CSMD1: variants seen among roughly 807,000 people sequenced by gnomAD.
CSMD1 encodes CUB and sushi domain-containing protein 1.
In CSMD1, 213 loss-of-function variants were observed where a neutral mutation model predicts 417.5. The observed-to-expected ratio is 0.51, with a 90% confidence interval of 0.46 to 0.57. CSMD1 has a LOEUF of 0.57. Ranked by LOEUF, CSMD1 falls within the 20% of genes least tolerant of loss-of-function variation. The pLI is 0.00. For missense variants in CSMD1, 6,923 were observed against 4,529.7 expected, an observed-to-expected ratio of 1.53 and a Z score of -15.17; for synonymous variants, 2,862 against 1,736.8, an observed-to-expected ratio of 1.65 and a Z score of -16.11.
chr8:4,020,231 G>T (rs1438609710), intron 4 of CSMD1, among the ~76,000 whole-genome samples: 1 of 152,164 alleles, frequency 6.6e-6, no homozygotes, highest in East Asian at 1.9e-4. Flanking sequence ...TAAATAAATT[G>T]ACCAAAGACA....
intron 1 of CSMD1, among the ~76,000 whole-genome samples, chr8:4,680,153 G>C (rs1226869781): frequency 6.6e-6 from 1 of 152,190 alleles, no homozygotes; most frequent in Non-Finnish European, 1.5e-5. Context: ...ATACACAGCA[G>C]TGTATGTAGA....
chr8:4,748,152 C>T (rs1179105808), intron 1 of CSMD1, among the ~76,000 whole-genome samples: 1 of 152,102 alleles, frequency 6.6e-6, no homozygotes, highest in South Asian at 2.1e-4. Context: ...CAGAGAAAAC[C>T]CACAACATGT....
In CSMD1 at chr8:4,759,740, G is replaced by T. The variant is rs189234153; in HGVS notation, c.86-122182C>A. On this transcript the variant is annotated intron_variant, in intron 1 of 69. Coordinates refer to ENST00000635120, the MANE Select transcript of CSMD1 (RefSeq NM_033225.6). Reference sequence around the variant, plus strand: ...CTATCCATGTTCCTGAAAAAGACAAGATCTCATTCATTTTTATGGCTGCAT... The same window carrying T: ...CTATCCATGTTCCTGAAAAAGACAATATCTCATTCATTTTTATGGCTGCAT... Among the ~76,000 whole-genome samples the T allele has an allele frequency of 2.6e-5, 4 of 152,240 alleles. No homozygotes were observed. The East Asian group carries it at 7.7e-4, about 29-fold the overall frequency.
intron 3 of CSMD1, among the ~76,000 whole-genome samples, chr8:4,330,881 C>T (rs1563062886): frequency 6.6e-6 from 1 of 152,080 alleles, no homozygotes; most frequent in East Asian, 1.9e-4. Flanking sequence ...ATGTCAGTTT[C>T]TCTCAGAAAG....
At chr8:4,598,415 A>G (rs1242641870) in intron 2 of CSMD1, among the ~76,000 whole-genome samples, 2 of 152,194 alleles carry the variant, frequency 1.3e-5, no homozygotes, top group Non-Finnish European at 2.9e-5. Flanking sequence ...ATATAAGGTC[A>G]TGGAAATCAC....
At chr8:4,745,271 G>T (rs559307805) in intron 1 of CSMD1, among the ~76,000 whole-genome samples, 1 of 152,004 alleles carries the variant, frequency 6.6e-6, no homozygotes, top group Non-Finnish European at 1.5e-5. Context: ...TTTTCCTCTG[G>T]CAGAAAATTA....
intron 12 of CSMD1, among the ~76,000 whole-genome samples, chr8:3,415,786 A>G (rs1265904791): frequency 6.6e-6 from 1 of 152,238 alleles, no homozygotes; most frequent in Non-Finnish European, 1.5e-5. Flanking sequence ...GATCTGGAAA[A>G]ATGGAAAAGT....
chr8:3,770,992 C>T (rs1048125304), intron 5 of CSMD1, among the ~76,000 whole-genome samples: 6 of 132,666 alleles, frequency 4.5e-5, no homozygotes, highest in South Asian at 2.4e-4. Flanking sequence ...TGGACAGTTT[C>T]TCTCTCTCTC....
chr8:4,432,519 G>A (rs565845729), intron 2 of CSMD1, among the ~76,000 whole-genome samples: 3 of 152,160 alleles, frequency 2.0e-5, no homozygotes, highest in Non-Finnish European at 4.4e-5. Context: ...AATGCTCGGA[G>A]TGTGAAAACA....
At chr8:4,433,881 T>G (rs182586991) in intron 2 of CSMD1, among the ~76,000 whole-genome samples, 187 of 152,214 alleles carry the variant, frequency 1.2e-3, no homozygotes, top group Middle Eastern at 0.01. Context: ...CAGCCCCATT[T>G]CTTTGACAAT....
intron 3 of CSMD1, among the ~76,000 whole-genome samples, chr8:4,100,191 G>A (rs903116064): frequency 6.6e-6 from 1 of 152,156 alleles, no homozygotes; most frequent in East Asian, 1.9e-4. Context: ...CTACCTTGGG[G>A]AAGGGTGAGG....
intron 2 of CSMD1, among the ~76,000 whole-genome samples, chr8:4,569,038 T>C (rs536571741): frequency 2.0e-5 from 3 of 152,298 alleles, no homozygotes; most frequent in Non-Finnish European, 4.4e-5. Context: ...GATGGATAGA[T>C]TGACAAAATT....
chr8:4,335,892 G>T (rs1321404977), intron 3 of CSMD1, among the ~76,000 whole-genome samples: 1 of 151,984 alleles, frequency 6.6e-6, no homozygotes, highest in Non-Finnish European at 1.5e-5. Context: ...GAACCTCCAG[G>T]GCTTCCTGCA....
chr8:4,880,604 C>T (rs1803328685), intron 1 of CSMD1, among the ~76,000 whole-genome samples: 1 of 151,954 alleles, frequency 6.6e-6, no homozygotes, highest in African/African-American at 2.4e-5. Context: ...GCCCACATTG[C>T]CTCTATTGGA....
At chr8:3,008,946 C>T (rs147953468) in intron 52 of CSMD1, among the ~76,000 whole-genome samples, 4 of 152,230 alleles carry the variant, frequency 2.6e-5, no homozygotes, top group Admixed American at 6.5e-5. Context: ...TGAGAGTCTC[C>T]GACAAGTACC....
intron 10 of CSMD1, among the ~76,000 whole-genome samples, chr8:3,517,142 G>C (rs1031389276): frequency 6.6e-6 from 1 of 152,174 alleles, no homozygotes; most frequent in Admixed American, 6.5e-5. Flanking sequence ...CCCTCCTGCA[G>C]TGTGCTCCTC....
intron 5 of CSMD1, among the ~76,000 whole-genome samples, chr8:3,937,483 G>A (rs553282795): frequency 6.6e-6 from 1 of 152,158 alleles, no homozygotes; most frequent in East Asian, 1.9e-4. Context: ...CCTTCCACCA[G>A]CAAAAAGATG....
chr8:3,799,613 G>C (rs1220288720), intron 5 of CSMD1, among the ~76,000 whole-genome samples: 1 of 151,710 alleles, frequency 6.6e-6, no homozygotes, highest in East Asian at 1.9e-4. Context: ...AGTAAAGAAA[G>C]ACCCCATTTG....
intron 3 of CSMD1, among the ~76,000 whole-genome samples, chr8:4,032,330 T>C (rs2130578946): frequency 6.6e-6 from 1 of 152,326 alleles, no homozygotes; most frequent in South Asian, 2.1e-4. Flanking sequence ...TGCATTTTGT[T>C]AAGAGAGAAA....
Sources: allele counts gnomAD v4.1 joint callset (sites outside exome capture counted in the v4.1 genomes callset), GRCh38; gene constraint gnomAD v4.1.1; transcripts MANE v1.5; gene names NCBI Gene and HGNC (gene_info 2026-07-23, HGNC 2026-07-21).